The following EIPR1 variants were observed in gnomAD, a reference collection of about 807,000 sequenced individuals.
EIPR1 encodes the protein EARP and GARP complex-interacting protein 1.
Under a neutral mutation model 48.1 loss-of-function variants are expected in EIPR1, and 25 were observed. The ratio of observed to expected loss-of-function variants is 0.52; its 90% CI spans 0.38 to 0.73. EIPR1 has a LOEUF of 0.73. Ranked by LOEUF, EIPR1 falls within the 30% of genes least tolerant of loss-of-function variation. The pLI is 0.00. For synonymous variants in EIPR1, 204 were observed against 201.9 expected (o/e 1.01, Z -0.09); for missense variants, 415 against 506.2 (o/e 0.82, Z 1.73).
At chr2:3,364,798 G>A (rs542907374) in intron 1 of EIPR1, among the ~76,000 whole-genome samples, 2 of 152,300 alleles carry the variant, frequency 1.3e-5, no homozygotes, top group South Asian at 2.1e-4. Context: ...TGAAAATGGA[G>A]TAGACTGATG....
chr2:3,333,331 C>T (rs992286989), intron 3 of EIPR1, among the ~76,000 whole-genome samples: 2 of 152,160 alleles, frequency 1.3e-5, no homozygotes, highest in Non-Finnish European at 2.9e-5. Context: ...TGACAAATAA[C>T]CAATAGCCAC....
intron 3 of EIPR1, among the ~76,000 whole-genome samples, chr2:3,282,231 G>A (rs540797091): frequency 6.6e-6 from 1 of 152,186 alleles, no homozygotes; most frequent in Non-Finnish European, 1.5e-5. Flanking sequence ...ACCGTCAGGT[G>A]GGGGCACTGC....
intron 5 of EIPR1, among the ~76,000 whole-genome samples, chr2:3,207,251 TG>T (rs545547273): frequency 2.9e-4 from 44 of 152,160 alleles, no homozygotes; most frequent in Non-Finnish European, 5.3e-4. Context: ...CACTGTTAAA[TG>T]GACACTTGGT....
intron 3 of EIPR1, among the ~76,000 whole-genome samples, chr2:3,305,596 C>T (rs898722215): frequency 5.9e-5 from 9 of 152,222 alleles, no homozygotes; most frequent in Admixed American, 5.2e-4. Flanking sequence ...CATTGAGTAA[C>T]GGACTGGGGC....
At chr2:3,223,742 GCTCT>G (rs796660475) in intron 4 of EIPR1, among the ~76,000 whole-genome samples, 2 of 152,208 alleles carry the variant, frequency 1.3e-5, no homozygotes, top group East Asian at 1.9e-4. Flanking sequence ...CCTGCCCTCT[GCTCT>G]CTCTATGCTC....
intron 3 of EIPR1, among the ~76,000 whole-genome samples, chr2:3,263,573 A>C (rs1667398890): frequency 6.6e-6 from 1 of 152,238 alleles, no homozygotes; most frequent in African/African-American, 2.4e-5. Flanking sequence ...TCTCCTATCC[A>C]CATCACATCG....
chr2:3,265,408 G>C (rs554032888), intron 3 of EIPR1, among the ~76,000 whole-genome samples: 1 of 152,334 alleles, frequency 6.6e-6, no homozygotes, highest in African/African-American at 2.4e-5. Flanking sequence ...CTGAAACTCT[G>C]AGGATTTCTG....
chr2:3,261,214 G>GT (rs1040218354), intron 3 of EIPR1, among the ~76,000 whole-genome samples: 41 of 152,144 alleles, frequency 2.7e-4, no homozygotes, highest in African/African-American at 9.7e-4. Context: ...TGTGGAGACA[G>GT]TTAATAGAGT....
chr2:3,335,819 C>T (rs536418534), intron 3 of EIPR1, among the ~76,000 whole-genome samples: 116 of 152,294 alleles, frequency 7.6e-4, no homozygotes, highest in African/African-American at 1.8e-3. Context: ...TCACCCCCCA[C>T]TGTGATTGTG....
chr2:3,253,392 G>A (rs13415749), intron 4 of EIPR1, among the ~76,000 whole-genome samples: 76,478 of 151,674 alleles, frequency 0.5, 20,016 homozygotes, highest in East Asian at 0.74. Context: ...CCCCCTGAGG[G>A]CCGTGGTCAC....
intron 2 of EIPR1, among the ~76,000 whole-genome samples, chr2:3,352,370 C>T (rs999398512): frequency 1.3e-4 from 19 of 150,844 alleles, no homozygotes; most frequent in Non-Finnish European, 4.4e-5. Flanking sequence ...GAGCCATCCA[C>T]ACTGTCTGTT....
chr2:3,345,306 T>C (rs111984735), intron 2 of EIPR1, among the ~76,000 whole-genome samples: 1 of 152,062 alleles, frequency 6.6e-6, no homozygotes, highest in African/African-American at 2.4e-5. Flanking sequence ...TATTGGGGCA[T>C]AATCAATATA....
intron 3 of EIPR1, among the ~76,000 whole-genome samples, chr2:3,323,008 G>C (rs1312237244): frequency 6.6e-6 from 1 of 152,058 alleles, no homozygotes; most frequent in Admixed American, 6.5e-5. Context: ...TTACGAAAAT[G>C]CAAAAACATT....
At chr2:3,370,709 A>G (rs1342075983) in intron 1 of EIPR1, among the ~76,000 whole-genome samples, 1 of 152,180 alleles carries the variant, frequency 6.6e-6, no homozygotes, top group Non-Finnish European at 1.5e-5. Flanking sequence ...AAAGAAATGA[A>G]CAAAGCCTCC....
intron 2 of EIPR1, among the ~76,000 whole-genome samples, chr2:3,341,106 AAAAAAAAAAAAAAAC>A (rs1267945479): frequency 2.0e-5 from 3 of 148,938 alleles, no homozygotes; most frequent in Non-Finnish European, 4.5e-5. Flanking sequence ...AAAAAAAAAA[AAAAAAAAAAAAAAAC>A]AAAACAAAAC....
chr2:3,269,834 G>T (rs1191224259), intron 3 of EIPR1, among the ~76,000 whole-genome samples: 1 of 152,244 alleles, frequency 6.6e-6, no homozygotes, highest in Non-Finnish European at 1.5e-5. Context: ...AGAGGCAGCA[G>T]ATCCCTCTGC....
intron 3 of EIPR1, among the ~76,000 whole-genome samples, chr2:3,309,656 A>G (rs1220484370): frequency 6.6e-6 from 1 of 152,142 alleles, no homozygotes; most frequent in Admixed American, 6.5e-5. Context: ...GAAAGGAAAA[A>G]CAGTGGGCGA....
chr2:3,212,900 C>T (rs555453501), intron 5 of EIPR1, among the ~76,000 whole-genome samples: 27 of 152,190 alleles, frequency 1.8e-4, no homozygotes, highest in South Asian at 8.3e-4. Context: ...CTTAATTCCG[C>T]GGTGAAGGCT....
At chr2:3,190,238 G>A (rs192225955) in intron 8 of EIPR1, among the ~76,000 whole-genome samples, 195 of 152,314 alleles carry the variant, frequency 1.3e-3, no homozygotes, top group African/African-American at 4.5e-3. Context: ...GGCTCACAGC[G>A]GCCACTTTCC....
Sources: allele counts gnomAD v4.1 joint callset (sites outside exome capture counted in the v4.1 genomes callset), GRCh38; gene constraint gnomAD v4.1.1; transcripts MANE v1.5; gene names NCBI Gene and HGNC (gene_info 2026-07-23, HGNC 2026-07-21).